Variants in SLCO5A1 observed in about 807,000 individuals in gnomAD.
The protein encoded by SLCO5A1 is organic anion transporter polypeptide-related protein 4.
Under a neutral mutation model 65.1 loss-of-function variants are expected in SLCO5A1, and 39 were observed. The observed-to-expected ratio is 0.60, with a 90% CI of 0.46 to 0.78. The LOEUF (loss-of-function observed/expected upper bound fraction) is 0.78. Among genes scored for constraint, SLCO5A1 ranks in the 30% least tolerant of loss-of-function variants. SLCO5A1 has a pLI of 0.00. For missense variants in SLCO5A1, 1,029 were observed against 1,069.4 expected (o/e 0.96, Z 0.53); for synonymous variants, 438 against 415.7 (o/e 1.05, Z -0.65).
At chr8:69,704,638 G>A (rs1420347450) in intron 6 of SLCO5A1, among the ~76,000 whole-genome samples, 1 of 152,192 alleles carries the variant, frequency 6.6e-6, no homozygotes, top group East Asian at 1.9e-4. Flanking sequence ...CTAGGTGGAT[G>A]GAGGACTTGG....
rs1319394171 is a variant in SLCO5A1, at chr8:69,671,432, G to C, written c.*1437C>G. On this transcript the variant is annotated 3_prime_UTR_variant, in exon 10 of 10. Coordinates refer to ENST00000260126, the MANE Select transcript of SLCO5A1 (RefSeq NM_030958.3). ...AAAGTTCACAATTATATCAGCATTT[G>C]GCCCTTACACTCCCTGGCAGCCAGA... 1 of 152,204 alleles carries C rather than the reference G, an allele frequency of 6.6e-6. No individual in the cohort carries two copies. The highest frequency in any genetic ancestry group is 1.5e-5 in the Non-Finnish European group (1 of 68,068). 9.4% of individuals were successfully genotyped at this position (152,204 alleles called of 1,614,324 possible).
At chr8:69,758,175 A>T (rs758829875) in intron 3 of SLCO5A1, among the ~76,000 whole-genome samples, 2 of 152,010 alleles carry the variant, frequency 1.3e-5, no homozygotes, top group African/African-American at 2.4e-5. Flanking sequence ...TTTTTAATTA[A>T]TTATTTATTT....
chr8:69,713,099 C>T (rs986256485), intron 5 of SLCO5A1, among the ~76,000 whole-genome samples: 1 of 152,176 alleles, frequency 6.6e-6, no homozygotes, highest in African/African-American at 2.4e-5. Context: ...ATGCAGAGTA[C>T]GATATCAGTC....
intron 2 of SLCO5A1, among the ~76,000 whole-genome samples, chr8:69,814,205 A>G (rs1255409057): frequency 6.6e-6 from 1 of 152,214 alleles, no homozygotes; most frequent in African/African-American, 2.4e-5. Context: ...TTACATCAAA[A>G]TAAAAAGCTT....
intron 2 of SLCO5A1, among the ~76,000 whole-genome samples, chr8:69,796,887 T>G (rs924090330): frequency 1.4e-4 from 22 of 152,168 alleles, no homozygotes; most frequent in African/African-American, 5.1e-4. Flanking sequence ...AGCCAGACCT[T>G]TGCTAATGCA....
chr8:69,710,101 C>T (rs1815167129), intron 5 of SLCO5A1, among the ~76,000 whole-genome samples: 2 of 149,402 alleles, frequency 1.3e-5, no homozygotes, highest in Non-Finnish European at 3.0e-5. Context: ...TCACAGAAAC[C>T]TCCGCCTCCC....
intron 2 of SLCO5A1, among the ~76,000 whole-genome samples, chr8:69,813,175 T>C (rs1216343538): frequency 6.6e-6 from 1 of 152,174 alleles, no homozygotes; most frequent in Non-Finnish European, 1.5e-5. Flanking sequence ...TCTTACTCAC[T>C]TAAATTTCTC....
chr8:69,753,165 G>A (rs573015887), intron 4 of SLCO5A1, among the ~76,000 whole-genome samples: 2 of 152,298 alleles, frequency 1.3e-5, no homozygotes, highest in African/African-American at 4.8e-5. Context: ...ATTTATTGGG[G>A]CAACTCAGGG....
chr8:69,727,453 A>G (rs1220577373), intron 5 of SLCO5A1, among the ~76,000 whole-genome samples: 3 of 152,180 alleles, frequency 2.0e-5, no homozygotes, highest in Non-Finnish European at 4.4e-5. Flanking sequence ...TATACAGTTC[A>G]ATCTGTATAA....
At chr8:69,761,306 T>C in intron 3 of SLCO5A1, 1 of 177,852 alleles carries the variant, frequency 5.6e-6, no homozygotes, top group South Asian at 1.3e-4. Context: ...GGCTGGAGGC[T>C]GGGGAAGAAC....
At chr8:69,776,575 G>A (rs182660589) in intron 2 of SLCO5A1, among the ~76,000 whole-genome samples, 6 of 151,962 alleles carry the variant, frequency 3.9e-5, no homozygotes, top group East Asian at 3.9e-4. Context: ...CTGTAGTCCC[G>A]GCTACTCAAG....
Position 69,755,425 on chromosome 8 carries a change from T to C in SLCO5A1, c.1257A>G (p.Arg419=). Residue 419 remains arginine, a splice_region_variant and synonymous_variant, in exon 4 of 10, where the codon AGA becomes AGG. Coordinates refer to ENST00000260126, the MANE Select transcript of SLCO5A1 (RefSeq NM_030958.3). ...VSSMGFGKDV[R]DLPRAAVRIL... ...ATTTATTCAAGAGGTATACTTTACC[T>C]CTGACATCCTTTCCAAATCCCATCG... is the stretch of plus-strand genomic sequence containing the variant. 6.2e-7 allele frequency: 1 copy of C among 1,612,720 alleles called. No individual in the cohort carries two copies. Among genetic ancestry groups the C allele is most frequent in the Non-Finnish European group, 8.5e-7 (1 of 1,179,736 alleles).
intron 6 of SLCO5A1, among the ~76,000 whole-genome samples, chr8:69,692,680 C>T (rs1389769342): frequency 1.3e-5 from 2 of 152,102 alleles, no homozygotes; most frequent in Non-Finnish European, 2.9e-5. Context: ...GACACAAACA[C>T]ACACATTAGC....
chr8:69,787,130 A>G (rs1248239413), intron 2 of SLCO5A1, among the ~76,000 whole-genome samples: 1 of 152,184 alleles, frequency 6.6e-6, no homozygotes, highest in Non-Finnish European at 1.5e-5. Context: ...GCCTTACGTC[A>G]TTTCAACTCG....
intron 2 of SLCO5A1, among the ~76,000 whole-genome samples, chr8:69,795,739 G>T (rs899972700): frequency 6.6e-6 from 1 of 152,202 alleles, no homozygotes; most frequent in Non-Finnish European, 1.5e-5. Context: ...TTGTGTGGGG[G>T]CTCCAACCCC....
intron 2 of SLCO5A1, among the ~76,000 whole-genome samples, chr8:69,778,571 C>T (rs1350430756): frequency 1.3e-5 from 2 of 152,034 alleles, no homozygotes; most frequent in African/African-American, 2.4e-5. Flanking sequence ...TATAACTTTT[C>T]ATATTTTCAG....
At position 69,668,275 on chromosome 8, in the gene SLCO5A1, G is replaced by T. The variant is rs1813238068; in HGVS notation, c.*4594C>A. On this transcript the variant is annotated 3_prime_UTR_variant, in exon 10 of 10. Coordinates refer to ENST00000260126, the MANE Select transcript of SLCO5A1 (RefSeq NM_030958.3). ...AGAGAAAAAGACAAAAAGATAAAGTGCATGAGGCAACTACCTTTGCCTGCC... is the reference window on the plus strand; with the variant it reads ...AGAGAAAAAGACAAAAAGATAAAGTTCATGAGGCAACTACCTTTGCCTGCC... 6.6e-6 allele frequency: 1 copy of T among 152,210 alleles called. No homozygotes were observed. Among genetic ancestry groups the T allele is most frequent in the African/African-American group, 2.4e-5 (1 of 41,442 alleles). 9.4% of individuals were successfully genotyped at this position (152,210 alleles called of 1,614,324 possible). A position where few individuals can be genotyped will look rare whatever the true frequency, so the allele number is the denominator to read the frequency against.
intron 2 of SLCO5A1, among the ~76,000 whole-genome samples, chr8:69,824,555 C>A (rs956325288): frequency 1.3e-5 from 2 of 152,186 alleles, no homozygotes; most frequent in African/African-American, 4.8e-5. Context: ...TGGACACATA[C>A]ACCCTCCCAA....
intron 5 of SLCO5A1, among the ~76,000 whole-genome samples, chr8:69,731,276 A>G (rs1006002297): frequency 4.6e-5 from 7 of 152,256 alleles, no homozygotes; most frequent in African/African-American, 1.7e-4. Context: ...CTGGGATTAC[A>G]GGCATGAGCT....
Sources: gnomAD v4.1 joint callset for allele counts (sites outside exome capture counted in the v4.1 genomes callset) on GRCh38, gnomAD v4.1.1 for gene constraint, MANE v1.5 for transcripts, NCBI Gene and HGNC (gene_info 2026-07-23, HGNC 2026-07-21) for gene names.